Variants in PXDN observed in about 807,000 individuals in gnomAD.
PXDN encodes peroxidasin.
PXDN carries 77 observed loss-of-function variants against 140.3 expected under a neutral mutation model. That is an observed-to-expected ratio of 0.55 (90% CI 0.46 to 0.66). The LOEUF (loss-of-function observed/expected upper bound fraction) is 0.66, where lower values mean the gene tolerates loss of function less well. Ranked by LOEUF, PXDN falls within the 30% of genes least tolerant of loss-of-function variation. The pLI is 0.00. For missense variants in PXDN, 1,838 were observed against 2,039.5 expected (o/e 0.90, Z 1.90); for synonymous variants, 911 against 857.4 (o/e 1.06, Z -1.09).
intron 1 of PXDN, among the ~76,000 whole-genome samples, chr2:1,727,802 T>C (rs1301972771): frequency 6.6e-6 from 1 of 152,196 alleles, no homozygotes; most frequent in African/African-American, 2.4e-5. Context: ...CCTAATAGTA[T>C]AATTAAATAT....
chr2:1,659,014 C>T lies in PXDN; in HGVS notation c.1837+1867G>A, dbSNP rs74970969. On this transcript the variant is annotated intron_variant, in intron 14 of 22. Transcript: ENST00000252804. ...CCACCAGGATCTAACTCCATGGAGC[C>T]GAGTGCCTGGCACACCTGGCTCAGC... is the stretch of plus-strand genomic sequence containing the variant. Among the ~76,000 whole-genome samples the T allele has an allele frequency of 2.0e-3, 302 of 152,334 alleles. 1 individual carries two copies. The highest frequency in any genetic ancestry group is 8.5e-3 in the East Asian group (44 of 5,176).
At chr2:1,635,896 C>A (rs1682545199) in intron 21 of PXDN, 2 of 347,446 alleles carry the variant, frequency 5.8e-6, no homozygotes. Context: ...TTCCGAGTAA[C>A]AACACCACTG....
chr2:1,670,643 G>T (rs1683551410), intron 9 of PXDN, among the ~76,000 whole-genome samples: 1 of 152,176 alleles, frequency 6.6e-6, no homozygotes, highest in Non-Finnish European at 1.5e-5. Flanking sequence ...ACTCACAGAA[G>T]TACGAACACC....
In PXDN at chr2:1,638,915, T is replaced by G. The variant is rs768067542; in HGVS notation, c.4137A>C (p.Ala1379=). Residue 1379 remains alanine, a synonymous_variant, in exon 21 of 23, where the codon GCA becomes GCC. Transcript: ENST00000252804. ...ACTCTCTGAAGTCATTTGTCCCAGATGCATCTGAGCGTGTGCTGAAGGCTG... is the reference window on the plus strand; with the variant it reads ...ACTCTCTGAAGTCATTTGTCCCAGAGGCATCTGAGCGTGTGCTGAAGGCTG... The part of the protein sequence containing the change: ...STSAFSTRSD[A]SGTNDFREFV... 1 of 1,614,010 alleles carries G rather than the reference T, an allele frequency of 6.2e-7. No homozygotes were observed. Among genetic ancestry groups the G allele is most frequent in the South Asian group, 1.1e-5 (1 of 91,090 alleles).
rs368255255 is a variant in PXDN, at chr2:1,681,309, CT to C, written c.561-948del. ...TGCTTTGCTGAGGGTCTCTATTTCC[CT>C]TTTTTTTTTCCTTTTTGCCCAATAA... On this transcript the variant is annotated intron_variant, in intron 6 of 22. Transcript: ENST00000252804. Among the ~76,000 whole-genome samples the C allele has an allele frequency of 4.5e-3, 680 of 149,624 alleles. 3 individuals are homozygous for C. Among genetic ancestry groups the C allele is most frequent in the African/African-American group, 0.015 (601 of 40,864 alleles).
At chr2:1,720,143 C>T (rs1261397232) in intron 1 of PXDN, among the ~76,000 whole-genome samples, 2 of 28,526 alleles carry the variant, frequency 7.0e-5, no homozygotes, top group Non-Finnish European at 5.8e-5. Flanking sequence ...GGGAAGAATG[C>T]AGAGAGAGAG....
chr2:1,718,904 A>G (rs1402631867), intron 1 of PXDN, among the ~76,000 whole-genome samples: 1 of 152,194 alleles, frequency 6.6e-6, no homozygotes, highest in Admixed American at 6.5e-5. Context: ...ACTTGCCACA[A>G]CTCCAGCCCA....
intron 6 of PXDN, among the ~76,000 whole-genome samples, chr2:1,682,357 A>G (rs1299460920): frequency 6.6e-6 from 1 of 152,202 alleles, no homozygotes; most frequent in Non-Finnish European, 1.5e-5. Context: ...AGGAAAAAAA[A>G]AATCACATAT....
In PXDN at chr2:1,649,216, G is replaced by A. The variant is rs764106763; in HGVS notation, c.2564C>T (p.Pro855Leu). ...QHCSNVCSND[P>L]PCFSVMIPPN... ...GGGGATCATGACAGAGAAGCAGGGGGGGTCGTTGCTGCACACGTTGCTGCA... is the reference window on the plus strand; with the variant it reads ...GGGGATCATGACAGAGAAGCAGGGGAGGTCGTTGCTGCACACGTTGCTGCA... Residue 855 changes from proline to leucine, a missense_variant, in exon 17 of 23, where the codon CCC (proline) becomes CTC (leucine). Physicochemically the swap from Pro to Leu is moderately conservative, Grantham distance 98. This residue lies in a region of PXDN where 850 missense variants were observed against 894.1 expected (regional missense o/e 0.95). Transcript: ENST00000252804. This position sits in a 1 kb window ranked among gnomAD's most constrained non-coding sequence, Gnocchi z 7.1. 4.4e-6 allele frequency: 7 copies of A among 1,599,270 alleles called. No homozygotes were observed. The highest frequency in any genetic ancestry group is 2.2e-5 in the South Asian group (2 of 90,638).
At chr2:1,647,373 G>A (rs541771927) in intron 17 of PXDN, among the ~76,000 whole-genome samples, 1 of 152,286 alleles carries the variant, frequency 6.6e-6, no homozygotes, top group South Asian at 2.1e-4. Context: ...CCTGGGAAGG[G>A]GACTGGCTAT....
At chr2:1,679,787 ATAAATGGTGTGTG>A (rs1683834358) in intron 7 of PXDN, among the ~76,000 whole-genome samples, 3 of 136,400 alleles carry the variant, frequency 2.2e-5, no homozygotes, top group African/African-American at 5.8e-5. Context: ...GTGTGTGTCT[ATAAATGGTGTGTG>A]TAAATGGTGT....
chr2:1,721,700 G>A (rs187050433), intron 1 of PXDN, among the ~76,000 whole-genome samples: 4 of 152,280 alleles, frequency 2.6e-5, no homozygotes, highest in African/African-American at 7.2e-5. Flanking sequence ...GGTGGCGAGC[G>A]CCTGTAGTCC....
In PXDN at chr2:1,633,827, A is replaced by G. The variant is rs1682476427; in HGVS notation, c.*377T>C. The G allele has an allele frequency of 6.2e-6, 1 of 161,702 alleles. No individual in the cohort carries two copies. The highest frequency in any genetic ancestry group is 2.4e-5 in the African/African-American group (1 of 41,828). 10.0% of individuals were successfully genotyped at this position (161,702 alleles called of 1,614,324 possible). On this transcript the variant is annotated 3_prime_UTR_variant, in exon 23 of 23. Transcript: ENST00000252804. ...CATCTGAACAAGGCAAGGCTGACAT[A>G]TAGAGGTATCCTGCTTTATTTAAAA...
intron 1 of PXDN, among the ~76,000 whole-genome samples, chr2:1,702,969 G>A (rs1314059864): frequency 7.7e-6 from 1 of 129,174 alleles, no homozygotes; most frequent in Non-Finnish European, 1.7e-5. Context: ...GTCTAGAAAG[G>A]CGGGACAACT....
At chr2:1,642,760 GGCCACTGAC>G (rs1178685651) in intron 19 of PXDN, among the ~76,000 whole-genome samples, 1 of 152,244 alleles carries the variant, frequency 6.6e-6, no homozygotes, top group Non-Finnish European at 1.5e-5. Flanking sequence ...TCACACAGCA[GGCCACTGAC>G]GCCTCTGCAG....
chr2:1,713,087 A>T (rs114013876), intron 1 of PXDN, among the ~76,000 whole-genome samples: 2,390 of 152,158 alleles, frequency 0.016, 37 homozygotes, highest in Admixed American at 0.039. Context: ...AAGTAAATGA[A>T]TGAGTCACAC....
chr2:1,734,444 G>A (rs1027350859), intron 1 of PXDN, among the ~76,000 whole-genome samples: 2 of 152,162 alleles, frequency 1.3e-5, no homozygotes, highest in Non-Finnish European at 2.9e-5. Context: ...TGGGGTAGCT[G>A]CGGCAATTTC....
Position 1,663,172 on chromosome 2 carries a change from C to T in PXDN, c.1567+433G>A, listed in dbSNP as rs376880715. ...CAGGGTCCAAGGATGAGCGGGCAGA[C>T]GGGAAAGAAACTGGATTTGGCCTCA... On this transcript the variant is annotated intron_variant, in intron 12 of 22. Transcript: ENST00000252804. 1.1e-4 allele frequency among the ~76,000 whole-genome samples: 16 copies of T among 152,140 alleles called. 1 individual carries two copies. Among genetic ancestry groups the T allele is most frequent in the African/African-American group, 1.7e-4 (7 of 41,522 alleles).
At chr2:1,642,212 C>A (rs73178775) in intron 19 of PXDN, among the ~76,000 whole-genome samples, 16,996 of 151,936 alleles carry the variant, frequency 0.11, 1,398 homozygotes, top group African/African-American at 0.24. Context: ...CACACACCCC[C>A]CACACACCCC....
Sources: allele counts gnomAD v4.1 joint callset (sites outside exome capture counted in the v4.1 genomes callset), GRCh38; gene constraint gnomAD v4.1.1; regional missense constraint gnomAD v4.1.1; non-coding constraint Gnocchi (gnomAD v3.1); transcripts MANE v1.5; gene names NCBI Gene and HGNC (gene_info 2026-07-23, HGNC 2026-07-21).